PUM2: variants seen among roughly 807,000 people sequenced by gnomAD.
PUM2 encodes the protein pumilio homolog 2.
Under a neutral mutation model 124.5 loss-of-function variants are expected in PUM2, and 57 were observed. The observed-to-expected ratio is 0.46, with a 90% CI of 0.37 to 0.57. The LOEUF is 0.57. Among genes scored for constraint, PUM2 ranks in the 20% least tolerant of loss-of-function variants. The pLI is 0.00. For synonymous variants in PUM2, 460 were observed against 446.1 expected (o/e 1.03, Z -0.39); for missense variants, 1,065 against 1,290.6 (o/e 0.83, Z 2.68).
intron 9 of PUM2, among the ~76,000 whole-genome samples, chr2:20,293,277 C>T (rs1218167225): frequency 6.6e-6 from 1 of 152,136 alleles, no homozygotes; most frequent in Admixed American, 6.5e-5. Flanking sequence ...GCATCAAACA[C>T]AGGTGTGTAT....
intron 1 of PUM2, chr2:20,350,133 T>A (rs532079826): frequency 6.6e-6 from 1 of 152,404 alleles, no homozygotes; most frequent in East Asian, 1.9e-4. Flanking sequence ...GGCAAGCTTT[T>A]CCCGGACACA....
intron 20 of PUM2, among the ~76,000 whole-genome samples, chr2:20,253,340 G>C (rs746174741): frequency 1.3e-5 from 2 of 151,992 alleles, no homozygotes; most frequent in African/African-American, 4.8e-5. Flanking sequence ...TGAGTAGCTG[G>C]GACCACAGGC....
At chr2:20,288,510 T>G (rs1317131512) in intron 10 of PUM2, among the ~76,000 whole-genome samples, 1 of 152,168 alleles carries the variant, frequency 6.6e-6, no homozygotes, top group East Asian at 1.9e-4. Flanking sequence ...AGATAAAGCT[T>G]TTTAGGATGA....
At chr2:20,308,645 G>C in intron 5 of PUM2, 61 bp from the exon 6 acceptor site, 5 of 1,450,964 alleles carry the variant, frequency 3.4e-6, no homozygotes, top group Non-Finnish European at 4.7e-6. Context: ...AGCGAAATGG[G>C]AAAATAGAAA....
At chr2:20,321,608 C>A (rs1682385908) in intron 2 of PUM2, among the ~76,000 whole-genome samples, 1 of 150,932 alleles carries the variant, frequency 6.6e-6, no homozygotes, top group Non-Finnish European at 1.5e-5. Context: ...GGGAAGGCAA[C>A]AATTCAGGAT....
intron 3 of PUM2, among the ~76,000 whole-genome samples, chr2:20,315,481 T>C (rs944370187): frequency 7.2e-5 from 11 of 152,192 alleles, no homozygotes; most frequent in African/African-American, 2.7e-4. Context: ...ATTCCATTCA[T>C]TTCTAATTTT....
intron 12 of PUM2, among the ~76,000 whole-genome samples, chr2:20,279,708 A>AC (rs1671060357): frequency 6.6e-6 from 1 of 152,200 alleles, no homozygotes; most frequent in Non-Finnish European, 1.5e-5. Flanking sequence ...AATAAAGGTC[A>AC]TGTAGGCCCT....
chr2:20,277,663 G>T (rs1318348349), intron 13 of PUM2, among the ~76,000 whole-genome samples: 1 of 152,070 alleles, frequency 6.6e-6, no homozygotes, highest in African/African-American at 2.4e-5. Context: ...ATTGGAGGGG[G>T]TGGTCAAACA....
At chr2:20,272,858 T>C (rs1410757879) in intron 13 of PUM2, among the ~76,000 whole-genome samples, 1 of 152,210 alleles carries the variant, frequency 6.6e-6, no homozygotes, top group Non-Finnish European at 1.5e-5. Flanking sequence ...ATGTAAAAGA[T>C]CTTGCACTTC....
chr2:20,317,567 T>C (rs796830160), intron 3 of PUM2, among the ~76,000 whole-genome samples: 2 of 152,276 alleles, frequency 1.3e-5, no homozygotes, highest in African/African-American at 4.8e-5. Context: ...AAACTTTTAT[T>C]CTAGATTGGG....
At chr2:20,253,335 A>G (rs1663929436) in intron 20 of PUM2, among the ~76,000 whole-genome samples, 1 of 152,124 alleles carries the variant, frequency 6.6e-6, no homozygotes, top group Admixed American at 6.6e-5. Context: ...CTGCCTGAGT[A>G]GCTGGGACCA....
intron 1 of PUM2, among the ~76,000 whole-genome samples, chr2:20,337,476 T>C (rs1020333759): frequency 2.6e-5 from 4 of 152,214 alleles, no homozygotes; most frequent in African/African-American, 9.6e-5. Context: ...CAATACTTAC[T>C]ATTCTCTCTA....
chr2:20,256,542 T>C (rs887013331), intron 16 of PUM2, among the ~76,000 whole-genome samples: 2 of 152,150 alleles, frequency 1.3e-5, no homozygotes, highest in Non-Finnish European at 2.9e-5. Flanking sequence ...ACATGACTAA[T>C]TCAGAATTAC....
At chr2:20,311,742 C>T (rs1679651182) in intron 4 of PUM2, 79 bp from the exon 5 acceptor site, 1 of 1,305,256 alleles carries the variant, frequency 7.7e-7, no homozygotes, top group Admixed American at 2.6e-5. Flanking sequence ...CCTAACACTA[C>T]ACTACAGTGC....
In PUM2 at chr2:20,294,477, C is replaced by G. The variant is rs940395315; in HGVS notation, c.1051G>C (p.Gly351Arg). The change falls in exon 9 of 21, where the codon GGG becomes CGG. Residue 351 changes from glycine (G) to arginine (R), a missense_variant. Gly to Arg is a moderately radical substitution (Grantham distance 125, BLOSUM62 -2). This residue lies in a region of PUM2 where 968 missense variants were observed against 1,159.8 expected (regional missense o/e 0.83). Coordinates refer to ENST00000361078, the MANE Select transcript of PUM2 (RefSeq NM_015317.5). ...TGAAATAAGTTGGCTGGATACACCC[C>G]CCATGGAACGCCGTAATACTGAGGT... ...VPPQYYGVPW[G>R]VYPANLFQQQ... 1.3e-5 allele frequency: 21 copies of G among 1,614,002 alleles called. No homozygotes were observed. Among genetic ancestry groups the G allele is most frequent in the East Asian group, 2.2e-5 (1 of 44,888 alleles).
chr2:20,281,803 T>C (rs574364436), intron 12 of PUM2, among the ~76,000 whole-genome samples: 38 of 152,354 alleles, frequency 2.5e-4, no homozygotes, highest in Non-Finnish European at 5.1e-4. Flanking sequence ...CATCCACTTA[T>C]TGTATTTCAT....
At chr2:20,307,368 G>C (rs565646468) in intron 7 of PUM2, among the ~76,000 whole-genome samples, 2 of 149,604 alleles carry the variant, frequency 1.3e-5, no homozygotes, top group African/African-American at 4.9e-5. Flanking sequence ...AAATCAGACA[G>C]GCATAAAAAT....
chr2:20,281,722 A>G (rs59372113), intron 12 of PUM2, among the ~76,000 whole-genome samples: 1,962 of 152,292 alleles, frequency 0.013, 54 homozygotes, highest in African/African-American at 0.044. Flanking sequence ...AACAATCCCC[A>G]TGTTCACTGG....
intron 5 of PUM2, 42 bp from the exon 6 acceptor site, chr2:20,308,626 A>T (rs745717116): frequency 1.3e-6 from 2 of 1,526,250 alleles, no homozygotes; most frequent in Non-Finnish European, 1.8e-6. Context: ...TAAAAGTAAC[A>T]AGTCAAATAG....
Sources: gnomAD v4.1 joint callset for allele counts (sites outside exome capture counted in the v4.1 genomes callset) on GRCh38, gnomAD v4.1.1 for gene constraint, gnomAD v4.1.1 regional missense constraint, MANE v1.5 for transcripts, NCBI Gene and HGNC (gene_info 2026-07-23, HGNC 2026-07-21) for gene names.